Variants in TRAPPC9 observed in about 807,000 individuals in gnomAD.
TRAPPC9 encodes the protein IKK2 binding protein.
Under a neutral mutation model 124.0 loss-of-function variants are expected in TRAPPC9, and 83 were observed. The observed-to-expected ratio is 0.67, with a 90% CI of 0.56 to 0.80. The LOEUF (loss-of-function observed/expected upper bound fraction) is 0.80, where lower values mean the gene tolerates loss of function less well. TRAPPC9 is among the 30% of genes least tolerant of loss of function. TRAPPC9 has a pLI of 0.00. For missense variants in TRAPPC9, 1,302 were observed against 1,508.3 expected (o/e 0.86, Z 2.27); for synonymous variants, 638 against 617.5 (o/e 1.03, Z -0.49).
intron 21 of TRAPPC9, among the ~76,000 whole-genome samples, chr8:139,746,590 C>T (rs1056940538): frequency 6.6e-6 from 1 of 152,206 alleles, no homozygotes; most frequent in African/African-American, 2.4e-5. Flanking sequence ...AGAGCCAGAA[C>T]ACTGTGGAGC....
intron 15 of TRAPPC9, among the ~76,000 whole-genome samples, chr8:140,256,182 A>G (rs2064253593): frequency 6.6e-6 from 1 of 152,228 alleles, no homozygotes; most frequent in African/African-American, 2.4e-5. Flanking sequence ...ACCCGCTTCA[A>G]CACACAACAT....
chr8:140,353,401 G>C lies in TRAPPC9; in HGVS notation c.1495+6649C>G, dbSNP rs893030088. ...GTATGCATTTTTTCCCCTTCTTTTC[G>C]TAAGTATTGATAACCGCACTTCACT... On this transcript the variant is annotated intron_variant, in intron 9 of 22. Coordinates refer to ENST00000438773, the MANE Select transcript of TRAPPC9 (RefSeq NM_001160372.4). The surrounding 1 kb of genome is among the most constrained non-coding windows in gnomAD (Gnocchi z 4.2). Among the ~76,000 whole-genome samples the C allele has an allele frequency of 6.7e-6, 1 of 149,678 alleles. No homozygotes were observed. Among genetic ancestry groups the C allele is most frequent in the Non-Finnish European group, 1.5e-5 (1 of 67,790 alleles).
At chr8:139,753,887 C>T (rs952334529) in intron 21 of TRAPPC9, among the ~76,000 whole-genome samples, 2 of 152,298 alleles carry the variant, frequency 1.3e-5, no homozygotes, top group South Asian at 2.1e-4. Context: ...CATGGGACAG[C>T]GAGGTGTCTG....
At chr8:139,851,586 G>A (rs1217867859) in intron 21 of TRAPPC9, among the ~76,000 whole-genome samples, 1 of 152,170 alleles carries the variant, frequency 6.6e-6, no homozygotes, top group African/African-American at 2.4e-5. Flanking sequence ...AGGAAGCAGA[G>A]CAAGTGGGAT....
intron 21 of TRAPPC9, among the ~76,000 whole-genome samples, chr8:139,749,321 G>A (rs976714532): frequency 1.3e-5 from 2 of 152,180 alleles, no homozygotes; most frequent in African/African-American, 4.8e-5. Flanking sequence ...GGGGACCTCT[G>A]CCATATGAAT....
chr8:139,892,011 G>A, intron 20 of TRAPPC9, among the ~76,000 whole-genome samples: 1 of 152,232 alleles, frequency 6.6e-6, no homozygotes, highest in South Asian at 2.1e-4. Flanking sequence ...CAGAAACTGG[G>A]CAACAATACC....
intron 19 of TRAPPC9, among the ~76,000 whole-genome samples, chr8:139,918,931 C>T (rs1403851327): frequency 5.9e-5 from 9 of 152,134 alleles, no homozygotes; most frequent in Non-Finnish European, 4.4e-5. Context: ...TCCATCTTAA[C>T]GGGACTGCTT....
intron 18 of TRAPPC9, among the ~76,000 whole-genome samples, chr8:140,022,649 T>C (rs555682188): frequency 2.6e-5 from 4 of 152,260 alleles, no homozygotes; most frequent in South Asian, 4.1e-4. Flanking sequence ...AACAGGTTCA[T>C]GATGGAGCAA....
At position 140,062,170 on chromosome 8, in the gene TRAPPC9, G is replaced by A. The variant is rs1842659437; in HGVS notation, c.2557-38091C>T. Among the ~76,000 whole-genome samples, 3 of 152,222 alleles carry A rather than the reference G, an allele frequency of 2.0e-5. No individual in the cohort carries two copies. In the South Asian group the frequency reaches 6.2e-4, roughly 32 times the overall value. ...AGGTCTGCAGGGCAGGACAGGATGG[G>A]GCCTGGGATGGACCTGCCTGAAACC... On this transcript the variant is annotated intron_variant, in intron 17 of 22. Coordinates refer to ENST00000438773, the MANE Select transcript of TRAPPC9 (RefSeq NM_001160372.4).
chr8:140,231,938 C>T (rs2063608752), intron 16 of TRAPPC9, among the ~76,000 whole-genome samples: 1 of 152,066 alleles, frequency 6.6e-6, no homozygotes, highest in Admixed American at 6.6e-5. Flanking sequence ...TATTCTGTAC[C>T]TAGCATTTAG....
rs1017813207 is a variant in TRAPPC9, at chr8:139,984,567, G to C, written c.2810+4159C>G. Among the ~76,000 whole-genome samples the C allele has an allele frequency of 1.6e-4, 24 of 152,308 alleles. No individual in the cohort carries two copies. The highest frequency in any genetic ancestry group is 5.3e-4 in the African/African-American group (22 of 41,570). ...CTGGATACTCAAGACACAAAGCCTG[G>C]AAGGACAGGGACCAGGTCTGAGGTC... On this transcript the variant is annotated intron_variant, in intron 19 of 22. Transcript: ENST00000438773. The surrounding 1 kb of genome is among the most constrained non-coding windows in gnomAD (Gnocchi z 4.3).
chr8:139,792,510 T>C (rs1271662339), intron 21 of TRAPPC9, among the ~76,000 whole-genome samples: 1 of 152,132 alleles, frequency 6.6e-6, no homozygotes, highest in Non-Finnish European at 1.5e-5. Context: ...TGCCCCACTG[T>C]TCCCACTGAA....
At chr8:140,231,029 A>G (rs913079245) in intron 16 of TRAPPC9, among the ~76,000 whole-genome samples, 21 of 152,210 alleles carry the variant, frequency 1.4e-4, no homozygotes, top group Admixed American at 1.1e-3. Context: ...TTACTAGACC[A>G]TAGAGTGCTA....
At chr8:139,806,146 G>C (rs756587650) in intron 21 of TRAPPC9, 1 of 152,244 alleles carries the variant, frequency 6.6e-6, no homozygotes, top group Non-Finnish European at 1.5e-5. Context: ...CATCCCACGC[G>C]GCAGCTGTGG....
At chr8:140,359,951 C>T (rs2067892359) in intron 9 of TRAPPC9, 99 bp downstream of exon 9, 1 of 1,551,386 alleles carries the variant, frequency 6.4e-7, no homozygotes, top group Non-Finnish European at 8.9e-7. Flanking sequence ...GCATCTTCCA[C>T]CCACTGAAAC....
chr8:140,291,982 TG>T lies in TRAPPC9; in HGVS notation c.1769-905del, dbSNP rs1192668715. ...TGAGGACACAGCCCCAGATGCCACT[TG>T]GATTTCAGTCCTGTGAATCCCTGAG... On this transcript the variant is annotated intron_variant, in intron 11 of 22. Transcript: ENST00000438773. Among the ~76,000 whole-genome samples the T allele has an allele frequency of 2.0e-5, 3 of 152,292 alleles. No individual in the cohort carries two copies. The East Asian group carries it at 5.8e-4, about 29-fold the overall frequency.
At chr8:140,111,636 TGA>T (rs1457381637) in intron 17 of TRAPPC9, among the ~76,000 whole-genome samples, 1 of 152,216 alleles carries the variant, frequency 6.6e-6, no homozygotes, top group East Asian at 1.9e-4. Context: ...TTCTCAGGGA[TGA>T]GAGTCATGCA....
At chr8:140,267,556 C>G (rs1345883697) in intron 15 of TRAPPC9, among the ~76,000 whole-genome samples, 1 of 152,232 alleles carries the variant, frequency 6.6e-6, no homozygotes, top group Non-Finnish European at 1.5e-5. Context: ...CCCAAAAAGA[C>G]CTCTTACACT....
At chr8:139,807,566 C>T (rs1042347355) in intron 21 of TRAPPC9, among the ~76,000 whole-genome samples, 1 of 152,106 alleles carries the variant, frequency 6.6e-6, no homozygotes, top group East Asian at 1.9e-4. Context: ...GCACAGGAGC[C>T]GACAGGAGAC....
Sources: gnomAD v4.1 joint callset for allele counts (sites outside exome capture counted in the v4.1 genomes callset) on GRCh38, gnomAD v4.1.1 for gene constraint, Gnocchi (gnomAD v3.1) non-coding constraint, MANE v1.5 for transcripts, NCBI Gene and HGNC (gene_info 2026-07-23, HGNC 2026-07-21) for gene names.